Variants in VAT1L observed in about 807,000 individuals in gnomAD.
The protein encoded by VAT1L is putative NADPH-dependent quinone oxidoreductase VAT1L.
A neutral mutation model predicts 44.1 loss-of-function variants in VAT1L; 34 were observed. The observed-to-expected ratio is 0.77, with a 90% CI of 0.59 to 1.03. The LOEUF (loss-of-function observed/expected upper bound fraction) is 1.03, where lower values mean the gene tolerates loss of function less well. VAT1L is among the 50% of genes least tolerant of loss of function. VAT1L has a pLI of 0.00. For missense variants in VAT1L, 615 were observed against 538.8 expected (o/e 1.14, Z -1.40); for synonymous variants, 253 against 202.2 (o/e 1.25, Z -2.13).
At position 77,948,135 on chromosome 16, in the gene VAT1L, C is replaced by T. The variant is rs552479217; in HGVS notation, c.1078-23715C>T. Among the ~76,000 whole-genome samples, 6 of 152,256 alleles carry T rather than the reference C, an allele frequency of 3.9e-5. No individual in the cohort carries two copies. In the South Asian group the frequency reaches 6.2e-4, roughly 16 times the overall value. ...TAATTTCCTCCACTGGACTCACATGCCTCTTCATTCATAGCTAGGATATAG... is the reference window on the plus strand; with the variant it reads ...TAATTTCCTCCACTGGACTCACATGTCTCTTCATTCATAGCTAGGATATAG... On this transcript the variant is annotated intron_variant, in intron 7 of 8. Transcript: ENST00000302536.
intron 3 of VAT1L, among the ~76,000 whole-genome samples, chr16:77,861,802 CG>C (rs2016916931): frequency 6.6e-6 from 1 of 152,192 alleles, no homozygotes; most frequent in Admixed American, 6.5e-5. Context: ...ATAAATACTC[CG>C]GCTTCCTTGC....
chr16:77,866,291 A>G (rs150515950), intron 4 of VAT1L, among the ~76,000 whole-genome samples: 1,654 of 152,330 alleles, frequency 0.011, 32 homozygotes, highest in African/African-American at 0.038. Flanking sequence ...CCTACAATCA[A>G]CAGAAGGGAA....
intron 3 of VAT1L, among the ~76,000 whole-genome samples, chr16:77,839,818 C>A (rs1301696103): frequency 6.6e-6 from 1 of 152,022 alleles, no homozygotes; most frequent in African/African-American, 2.4e-5. Flanking sequence ...TAAATATCAC[C>A]CTCATTGCAT....
intron 1 of VAT1L, among the ~76,000 whole-genome samples, chr16:77,804,264 G>T (rs890497207): frequency 1.3e-5 from 2 of 152,116 alleles, no homozygotes; most frequent in Non-Finnish European, 2.9e-5. Flanking sequence ...GGAACCTTAG[G>T]AATAAATACC....
chr16:77,938,732 T>C (rs368766667), intron 7 of VAT1L, among the ~76,000 whole-genome samples: 1 of 152,196 alleles, frequency 6.6e-6, no homozygotes, highest in East Asian at 1.9e-4. Flanking sequence ...CATGAGCCAA[T>C]TAAACCTCTT....
At chr16:77,899,837 TC>T (rs2017362090) in intron 7 of VAT1L, among the ~76,000 whole-genome samples, 1 of 152,204 alleles carries the variant, frequency 6.6e-6, no homozygotes, top group African/African-American at 2.4e-5. Flanking sequence ...TAGCACAGAT[TC>T]CCTTGACTTT....
chr16:77,869,644 G>A (rs2017009946), intron 4 of VAT1L, among the ~76,000 whole-genome samples: 1 of 152,094 alleles, frequency 6.6e-6, no homozygotes, highest in Non-Finnish European at 1.5e-5. Context: ...ACTGCAGCCT[G>A]GGCAACAGAA....
intron 7 of VAT1L, among the ~76,000 whole-genome samples, chr16:77,966,498 G>T (rs4144523): frequency 0.19 from 28,213 of 152,090 alleles, 3,007 homozygotes; most frequent in East Asian, 0.44. Context: ...CAGATACATC[G>T]TAAGTGGTGG....
chr16:77,963,904 C>T (rs764813559), intron 7 of VAT1L, among the ~76,000 whole-genome samples: 1 of 152,202 alleles, frequency 6.6e-6, no homozygotes, highest in African/African-American at 2.4e-5. Context: ...CTTCGCAATA[C>T]GTGAAGACCT....
At chr16:77,955,024 G>T (rs866271327) in intron 7 of VAT1L, among the ~76,000 whole-genome samples, 1 of 152,158 alleles carries the variant, frequency 6.6e-6, no homozygotes, top group Non-Finnish European at 1.5e-5. Flanking sequence ...TGAAATCAGA[G>T]ACCATATTGT....
intron 3 of VAT1L, among the ~76,000 whole-genome samples, chr16:77,851,903 G>A (rs544986100): frequency 1.3e-4 from 20 of 152,206 alleles, no homozygotes; most frequent in African/African-American, 4.3e-4. Context: ...CAGGACCCTC[G>A]GAGATTCTGC....
At chr16:77,822,166 C>T (rs910612991) in intron 2 of VAT1L, among the ~76,000 whole-genome samples, 24 of 152,074 alleles carry the variant, frequency 1.6e-4, no homozygotes, top group Admixed American at 5.9e-4. Flanking sequence ...CGGAGTTTCG[C>T]TCTTGTTGCC....
intron 1 of VAT1L, among the ~76,000 whole-genome samples, chr16:77,799,554 T>TGTGG (rs1555510876): frequency 1.5e-4 from 17 of 111,920 alleles, no homozygotes; most frequent in African/African-American, 5.9e-4. Context: ...TGTGTGTGTG[T>TGTGG]GTGGTGTGTA....
In VAT1L at chr16:77,901,153, C is replaced by CTTTTTTTT. The variant is rs538577571; in HGVS notation, c.1077+16374_1077+16381dup. Among the ~76,000 whole-genome samples the CTTTTTTTT allele has an allele frequency of 6.4e-4, 58 of 90,050 alleles. 5 individuals are homozygous for CTTTTTTTT. The highest frequency in any genetic ancestry group is 2.7e-3 in the African/African-American group (57 of 20,818). 59.1% of individuals were successfully genotyped at this position (90,050 alleles called of 152,430 possible). On this transcript the variant is annotated intron_variant, in intron 7 of 8. Coordinates refer to ENST00000302536, the MANE Select transcript of VAT1L (RefSeq NM_020927.3). ...GGTAGGTGTGTGACCAGTAGTTTAC[C>CTTTTTTTT]TTTTTTTTTTTTTTTTTTTTTTTTT... is the stretch of plus-strand genomic sequence containing the variant.
intron 7 of VAT1L, among the ~76,000 whole-genome samples, chr16:77,926,683 T>G (rs2017673046): frequency 6.6e-6 from 1 of 152,170 alleles, no homozygotes; most frequent in South Asian, 2.1e-4. Flanking sequence ...GGATAAAAAC[T>G]AAGGTTGACT....
intron 7 of VAT1L, among the ~76,000 whole-genome samples, chr16:77,944,037 C>T (rs1408665567): frequency 1.3e-5 from 2 of 152,150 alleles, no homozygotes; most frequent in Non-Finnish European, 2.9e-5. Context: ...CTGTGCTTCT[C>T]AGCTGGGAGC....
chr16:77,963,026 C>T (rs1336594394), intron 7 of VAT1L, among the ~76,000 whole-genome samples: 3 of 152,148 alleles, frequency 2.0e-5, no homozygotes, highest in African/African-American at 2.4e-5. Flanking sequence ...GAGTAGAGGG[C>T]GCTGGATCCT....
intron 4 of VAT1L, among the ~76,000 whole-genome samples, chr16:77,864,434 G>GCC (rs569949697): frequency 2.0e-5 from 3 of 150,332 alleles, no homozygotes; most frequent in African/African-American, 7.5e-5. Context: ...CTCTACCTGT[G>GCC]CCCCCCCACA....
At chr16:77,790,614 C>A (rs896293375) in intron 1 of VAT1L, among the ~76,000 whole-genome samples, 2 of 152,116 alleles carry the variant, frequency 1.3e-5, no homozygotes, top group Non-Finnish European at 2.9e-5. Context: ...TACCTGTATA[C>A]ACACACCTAT....
Sources: gnomAD v4.1 joint callset for allele counts (sites outside exome capture counted in the v4.1 genomes callset) on GRCh38, gnomAD v4.1.1 for gene constraint, MANE v1.5 for transcripts, NCBI Gene and HGNC (gene_info 2026-07-23, HGNC 2026-07-21) for gene names.